PCDHGB2: variants seen among roughly 807,000 people sequenced by gnomAD.
PCDHGB2 encodes protocadherin gamma subfamily B, 2.
PCDHGB2 carries 55 observed loss-of-function variants against 59.3 expected under a neutral mutation model. That is an observed-to-expected ratio of 0.93 (90% confidence interval 0.75 to 1.16). The LOEUF (loss-of-function observed/expected upper bound fraction) is 1.16, where lower values mean the gene tolerates loss of function less well. Among genes scored for constraint, PCDHGB2 ranks in the 50% most tolerant of loss-of-function variants. The pLI, the probability that PCDHGB2 is intolerant of heterozygous loss-of-function variation, is 0.00. For synonymous variants in PCDHGB2, 516 were observed against 512.0 expected (o/e 1.01, Z -0.11); for missense variants, 1,228 against 1,198.5 (o/e 1.02, Z -0.36).
At chr5:141,376,274 G>A (rs773118142) in intron 1 of PCDHGB2, 3 of 1,614,220 alleles carry the variant, frequency 1.9e-6, no homozygotes, top group Non-Finnish European at 1.7e-6. Flanking sequence ...TTCGGGAGGT[G>A]GCTTAGCGAG....
intron 2 of PCDHGB2, among the ~76,000 whole-genome samples, chr5:141,501,287 TTA>T (rs1491235092): frequency 6.2e-5 from 6 of 96,980 alleles, no homozygotes; most frequent in African/African-American, 2.5e-4. Context: ...GGATATTCCC[TTA>T]TACACACACA....
intron 1 of PCDHGB2, among the ~76,000 whole-genome samples, chr5:141,430,357 T>C (rs1258305414): frequency 1.3e-5 from 2 of 149,904 alleles, no homozygotes; most frequent in Non-Finnish European, 3.0e-5. Context: ...ATTTAAAAGC[T>C]CATTGGGGAA....
At position 141,505,499 on chromosome 5, in the gene PCDHGB2, G is replaced by A. The variant is rs753203943; in HGVS notation, c.2569+18G>A. ...CGCCAGTGGTAAGTGGTGTCAGTGT[G>A]TGTATGGAAGAGTGGGAGACCTGGG... is the stretch of plus-strand genomic sequence containing the variant. On this transcript the variant is annotated intron_variant, in intron 3 of 3. Transcript: ENST00000522605. 6.2e-7 allele frequency: 1 copy of A among 1,614,172 alleles called. No homozygotes were observed. The highest frequency in any genetic ancestry group is 8.5e-7 in the Non-Finnish European group (1 of 1,179,982).
rs763433178 is a variant in PCDHGB2, at chr5:141,409,635, A to G, written c.2421+47079A>G. On this transcript the variant is annotated intron_variant, in intron 1 of 3. Transcript: ENST00000522605. ...TCCATTGCGCAAGTGAGCGCCTCTG[A>G]CCCGGATTTGGGGCTCAATGGCCAC... 3 of 1,613,784 alleles carry G rather than the reference A, an allele frequency of 1.9e-6. No individual in the cohort carries two copies. The South Asian group carries it at 3.3e-5, about 18-fold the overall frequency.
At chr5:141,471,637 T>C (rs1284100810) in intron 1 of PCDHGB2, 2 of 152,198 alleles carry the variant, frequency 1.3e-5, no homozygotes, top group Non-Finnish European at 2.9e-5. Context: ...TATGGATTAG[T>C]AATATACTGG....
In PCDHGB2 at chr5:141,486,172, T is replaced by C; in HGVS notation, c.2422-8635T>C. ...GGGGTTCTCCAGCCATGGAGCAACA[T>C]TGCAGCCTTCGAGTGGATCTGCTGG... On this transcript the variant is annotated intron_variant, in intron 1 of 3. Transcript: ENST00000522605. The surrounding 1 kb of genome is among the most constrained non-coding windows in gnomAD (Gnocchi z 5.0). 3 of 1,614,212 alleles carry C rather than the reference T, an allele frequency of 1.9e-6. No homozygotes were observed. Among genetic ancestry groups the C allele is most frequent in the Admixed American group, 1.7e-5 (1 of 60,036 alleles).
At chr5:141,414,476 C>T (rs1242647918) in intron 1 of PCDHGB2, 1 of 1,613,802 alleles carries the variant, frequency 6.2e-7, no homozygotes, top group African/African-American at 1.3e-5. Flanking sequence ...GGGGGAAGTC[C>T]TCCTCTATCA....
chr5:141,413,600 T>C lies in PCDHGB2; in HGVS notation c.2421+51044T>C, dbSNP rs767830855. The C allele has an allele frequency of 3.7e-6, 6 of 1,613,868 alleles. No individual in the cohort carries two copies. The Admixed American group carries it at 8.3e-5, about 22-fold the overall frequency. Reference sequence around the variant, plus strand: ...GCTCCAAAATTCCAAGCAGAAAATCTAGACGTAAAAATTAATGAAAATGTC... The same window carrying C: ...GCTCCAAAATTCCAAGCAGAAAATCCAGACGTAAAAATTAATGAAAATGTC... On this transcript the variant is annotated intron_variant, in intron 1 of 3. Transcript: ENST00000522605.
At position 141,398,135 on chromosome 5, in the gene PCDHGB2, G is replaced by A. The variant is rs771670845; in HGVS notation, c.2421+35579G>A. ...CTGAGGAGAGCAAGAGGGATGGGGAGCGGCGCCGGGGAGCTGGGCCGGGCT... is the reference window on the plus strand; with the variant it reads ...CTGAGGAGAGCAAGAGGGATGGGGAACGGCGCCGGGGAGCTGGGCCGGGCT... On this transcript the variant is annotated intron_variant, in intron 1 of 3. Transcript: ENST00000522605. 4 of 1,556,792 alleles carry A rather than the reference G, an allele frequency of 2.6e-6. No individual in the cohort carries two copies. Among genetic ancestry groups the A allele is most frequent in the Non-Finnish European group, 3.5e-6 (4 of 1,157,318 alleles).
At chr5:141,404,832 G>T in intron 1 of PCDHGB2, 1 of 1,613,864 alleles carries the variant, frequency 6.2e-7, no homozygotes, top group Non-Finnish European at 8.5e-7. Flanking sequence ...GGTGAAGTGC[G>T]CACAGCTCGG....
At chr5:141,375,442 C>A (rs746357528) in intron 1 of PCDHGB2, 1 of 1,614,034 alleles carries the variant, frequency 6.2e-7, no homozygotes, top group Non-Finnish European at 8.5e-7. Flanking sequence ...CCACCTTCCC[C>A]CATTCATCCT....
chr5:141,381,851 C>G (rs1252869923), intron 1 of PCDHGB2, among the ~76,000 whole-genome samples: 3 of 33,340 alleles, frequency 9.0e-5, no homozygotes, highest in Non-Finnish European at 1.6e-4. Context: ...TTTTTTTTGG[C>G]AGAGTTTTGC....
At chr5:141,404,779 C>G in intron 1 of PCDHGB2, 1 of 1,613,746 alleles carries the variant, frequency 6.2e-7, no homozygotes, top group Non-Finnish European at 8.5e-7. Context: ...ACCGCCTATT[C>G]AAGGCCAGTG....
At chr5:141,414,502 A>G in intron 1 of PCDHGB2, 1 of 1,613,944 alleles carries the variant, frequency 6.2e-7, no homozygotes, top group South Asian at 1.1e-5. Flanking sequence ...AGCTCACTTT[A>G]TGCTACAAGT....
chr5:141,499,261 GT>G (rs2099790689), intron 2 of PCDHGB2, among the ~76,000 whole-genome samples: 1 of 152,022 alleles, frequency 6.6e-6, no homozygotes, highest in South Asian at 2.1e-4. Context: ...TCTCCATTTG[GT>G]CCCTAGACTG....
At position 141,490,551 on chromosome 5, in the gene PCDHGB2, T is replaced by C; in HGVS notation, c.2422-4256T>C. On this transcript the variant is annotated intron_variant, in intron 1 of 3. Coordinates refer to ENST00000522605, the MANE Select transcript of PCDHGB2 (RefSeq NM_018923.3). The surrounding 1 kb of genome is among the most constrained non-coding windows in gnomAD (Gnocchi z 5.4). ...CTGGTTCACCTTCCCTACACAAACA[T>C]CTCACCATCAGGCTCAACATTTCAG... 1 of 1,614,088 alleles carries C rather than the reference T, an allele frequency of 6.2e-7. No individual in the cohort carries two copies. The highest frequency in any genetic ancestry group is 1.1e-5 in the South Asian group (1 of 91,086).
At chr5:141,472,980 C>CAAAAAAAAAA (rs60579131) in intron 1 of PCDHGB2, among the ~76,000 whole-genome samples, 34 of 85,838 alleles carry the variant, frequency 4.0e-4, no homozygotes, top group South Asian at 1.3e-3. Context: ...GAGTGAAACT[C>CAAAAAAAAAA]AAAAAAAAAA....
At chr5:141,459,845 T>C (rs914128032) in intron 1 of PCDHGB2, among the ~76,000 whole-genome samples, 1 of 152,232 alleles carries the variant, frequency 6.6e-6, no homozygotes, top group Admixed American at 6.5e-5. Flanking sequence ...TCTATTTGTA[T>C]ATCTTCTTGA....
chr5:141,420,251 G>A lies in PCDHGB2; in HGVS notation c.2421+57695G>A, dbSNP rs778777293. ...TAGCATTTTAACTCCCAGCGTTGAA[G>A]CAGATAAGAAGATTCTTAAACAGGT... is the stretch of plus-strand genomic sequence containing the variant. On this transcript the variant is annotated intron_variant, in intron 1 of 3. Transcript: ENST00000522605. The A allele has an allele frequency of 2.9e-5, 46 of 1,578,746 alleles. No homozygotes were observed. In the South Asian group the frequency reaches 4.5e-4, roughly 15 times the overall value.
Sources: gnomAD v4.1 joint callset for allele counts (sites outside exome capture counted in the v4.1 genomes callset) on GRCh38, gnomAD v4.1.1 for gene constraint, Gnocchi (gnomAD v3.1) non-coding constraint, MANE v1.5 for transcripts, NCBI Gene and HGNC (gene_info 2026-07-23, HGNC 2026-07-21) for gene names.